Variants in SCFD2 observed in about 807,000 individuals in gnomAD.
The protein encoded by SCFD2 is sec1 family domain-containing protein 2.
Under a neutral mutation model 58.9 loss-of-function variants are expected in SCFD2, and 54 were observed. The observed-to-expected ratio is 0.92, with a 90% CI of 0.74 to 1.15. The LOEUF is 1.15. Ranked by LOEUF, SCFD2 falls within the 50% of genes most tolerant of loss-of-function variation. The pLI, the probability that SCFD2 is intolerant of heterozygous loss-of-function variation, is 0.00. For synonymous variants in SCFD2, 321 were observed against 335.9 expected, an observed-to-expected ratio of 0.96 and a Z score of 0.49; for missense variants, 805 against 836.6, an observed-to-expected ratio of 0.96 and a Z score of 0.47.
At chr4:53,049,207 G>C (rs1365719166) in intron 5 of SCFD2, among the ~76,000 whole-genome samples, 2 of 152,128 alleles carry the variant, frequency 1.3e-5, no homozygotes, top group East Asian at 3.9e-4. Context: ...GAATTCACTA[G>C]GAAGAACACA....
At chr4:53,121,597 C>T (rs17082398) in intron 5 of SCFD2, among the ~76,000 whole-genome samples, 59,478 of 152,016 alleles carry the variant, frequency 0.39, 12,460 homozygotes, top group East Asian at 0.49. Context: ...TCTTTCAGGT[C>T]CCTTCCACGT....
At chr4:53,315,214 G>A (rs1035440261) in intron 2 of SCFD2, among the ~76,000 whole-genome samples, 5 of 110,760 alleles carry the variant, frequency 4.5e-5, no homozygotes, top group African/African-American at 1.8e-4. Context: ...AGCCTGGGAA[G>A]AAGTTAAAAC....
chr4:53,248,945 G>C (rs985400052), intron 4 of SCFD2, among the ~76,000 whole-genome samples: 2 of 152,226 alleles, frequency 1.3e-5, no homozygotes, highest in South Asian at 2.1e-4. Context: ...ACGGAACAAA[G>C]CTGGACGGAG....
intron 7 of SCFD2, among the ~76,000 whole-genome samples, chr4:52,897,853 G>C (rs1283146225): frequency 1.3e-5 from 2 of 152,196 alleles, no homozygotes; most frequent in Non-Finnish European, 2.9e-5. Flanking sequence ...GGTCTATTCA[G>C]AGATTCAACT....
intron 1 of SCFD2, among the ~76,000 whole-genome samples, chr4:53,358,637 A>G (rs1286064444): frequency 6.6e-6 from 1 of 152,068 alleles, no homozygotes; most frequent in Admixed American, 6.6e-5. Context: ...CATCGTTACC[A>G]CCATCTCCTA....
intron 5 of SCFD2, chr4:52,949,730 C>A (rs1311461314): frequency 6.6e-6 from 1 of 152,182 alleles, no homozygotes; most frequent in Non-Finnish European, 1.5e-5. Flanking sequence ...AAGGGTGAAC[C>A]ACAAGGGCCA....
intron 5 of SCFD2, among the ~76,000 whole-genome samples, chr4:53,125,369 T>C (rs572617352): frequency 2.0e-5 from 3 of 152,346 alleles, no homozygotes; most frequent in East Asian, 3.9e-4. Flanking sequence ...GATGAGATCA[T>C]TTCGGTTATA....
At chr4:53,112,804 C>T (rs1327144521) in intron 5 of SCFD2, among the ~76,000 whole-genome samples, 2 of 152,072 alleles carry the variant, frequency 1.3e-5, no homozygotes, top group East Asian at 3.9e-4. Flanking sequence ...ACCCACTTCT[C>T]TCAACTGTTG....
At position 53,273,737 on chromosome 4, in the gene SCFD2, T is replaced by C. The variant is rs78652505; in HGVS notation, c.1311+89A>G. ...GGGCACATGTCAACAATATGATTTA[T>C]TACTAAGGCTATAATAAATGTCAAG... is the stretch of plus-strand genomic sequence containing the variant. On this transcript the variant is annotated intron_variant, in intron 4 of 8. Transcript: ENST00000401642. The C allele has an allele frequency of 7.6e-3, 8,643 of 1,132,156 alleles. 44 individuals are homozygous for C. The highest frequency in any genetic ancestry group is 9.1e-3 in the Non-Finnish European group (7,269 of 802,046). The allele number at this position is 1,132,156 out of a possible 1,614,324, so 70.1% of individuals were successfully genotyped here. A position where few individuals can be genotyped will look rare whatever the true frequency, so the allele number is the denominator to read the frequency against.
chr4:53,353,875 A>G (rs1056501108), intron 1 of SCFD2, among the ~76,000 whole-genome samples: 7 of 151,282 alleles, frequency 4.6e-5, no homozygotes, highest in Middle Eastern at 3.4e-3. Flanking sequence ...GCATTTACCA[A>G]CCTTGAGCTA....
chr4:53,250,496 A>G (rs1234799298), intron 4 of SCFD2, among the ~76,000 whole-genome samples: 3 of 152,212 alleles, frequency 2.0e-5, no homozygotes, highest in Non-Finnish European at 4.4e-5. Context: ...AACAGAATAT[A>G]AAGCTCTCCT....
intron 8 of SCFD2, among the ~76,000 whole-genome samples, chr4:52,876,756 GAAAAAAAAA>G (rs761229349): frequency 3.7e-5 from 2 of 54,394 alleles, no homozygotes; most frequent in Non-Finnish European, 6.9e-5. Context: ...TCTCTGTCTC[GAAAAAAAAA>G]AAAAAAAAAA....
intron 2 of SCFD2, among the ~76,000 whole-genome samples, chr4:53,330,426 G>A (rs1232826956): frequency 1.3e-5 from 2 of 152,170 alleles, no homozygotes; most frequent in Admixed American, 1.3e-4. Flanking sequence ...CCAGAAGAGA[G>A]TGGGGGGCAA....
intron 4 of SCFD2, among the ~76,000 whole-genome samples, chr4:53,250,596 A>C (rs1461253664): frequency 1.4e-4 from 21 of 152,252 alleles, no homozygotes; most frequent in Non-Finnish European, 2.6e-4. Flanking sequence ...AAACTCACTC[A>C]AAACTGCTCA....
chr4:53,083,320 G>A (rs1010419785), intron 5 of SCFD2, among the ~76,000 whole-genome samples: 14 of 151,970 alleles, frequency 9.2e-5, no homozygotes, highest in African/African-American at 3.4e-4. Context: ...ATTCTTATGA[G>A]GTCTCATATG....
chr4:52,899,260 T>C (rs1009702846), intron 7 of SCFD2, among the ~76,000 whole-genome samples: 82 of 152,322 alleles, frequency 5.4e-4, no homozygotes, highest in African/African-American at 2.0e-3. Context: ...GTCTTTACAA[T>C]TTGGCATGTT....
chr4:53,197,023 T>C (rs1334754261), intron 4 of SCFD2, among the ~76,000 whole-genome samples: 2 of 152,066 alleles, frequency 1.3e-5, no homozygotes, highest in Non-Finnish European at 2.9e-5. Context: ...CCTGTGTGCT[T>C]TTTTCAAAGA....
chr4:53,211,610 A>G lies in SCFD2; in HGVS notation c.1311+62216T>C, dbSNP rs1308940275. On this transcript the variant is annotated intron_variant, in intron 4 of 8. Transcript: ENST00000401642. ...CCCTCAACCTGTGGGATCTGATGCT[A>G]TATCTCTGGGTAGATAGTGTTGGCA... Among the ~76,000 whole-genome samples, 3 of 152,018 alleles carry G rather than the reference A, an allele frequency of 2.0e-5. No individual in the cohort carries two copies. The South Asian group carries it at 6.2e-4, about 32-fold the overall frequency.
At chr4:53,279,284 TTTC>T (rs1731435118) in intron 3 of SCFD2, among the ~76,000 whole-genome samples, 1 of 152,216 alleles carries the variant, frequency 6.6e-6, no homozygotes, top group Non-Finnish European at 1.5e-5. Flanking sequence ...TTTATTTTTC[TTTC>T]TTCTTATTTT....
Sources: gnomAD v4.1 joint callset for allele counts (sites outside exome capture counted in the v4.1 genomes callset) on GRCh38, gnomAD v4.1.1 for gene constraint, MANE v1.5 for transcripts, NCBI Gene and HGNC (gene_info 2026-07-23, HGNC 2026-07-21) for gene names.